Variants in COL8A1 observed in about 807,000 individuals in gnomAD.
COL8A1 encodes the protein collagen type VIII alpha 1 chain, also known as collagen alpha-1(VIII) chain.
Under a neutral mutation model 42.7 loss-of-function variants are expected in COL8A1, and 21 were observed. The ratio of observed to expected loss-of-function variants is 0.49; its 90% confidence interval spans 0.35 to 0.71. COL8A1 has a LOEUF of 0.71. Among genes scored for constraint, COL8A1 ranks in the 30% least tolerant of loss-of-function variants. COL8A1 has a pLI of 0.01. For missense variants in COL8A1, 788 were observed against 962.4 expected (o/e 0.82, Z 2.40); for synonymous variants, 367 against 369.1 (o/e 0.99, Z 0.06).
Position 99,794,438 on chromosome 3 carries a change from AGAAATTGGACAGAAAGGG to A in COL8A1, c.546_563del (p.Gln183_Gly188del). 1 of 1,613,926 alleles carries A rather than the reference AGAAATTGGACAGAAAGGG, an allele frequency of 6.2e-7. No homozygotes were observed. The highest frequency in any genetic ancestry group is 1.3e-5 in the African/African-American group (1 of 74,992). ...CCATGGGCATGCCTGGGGCAAAAGG[AGAAATTGGACAGAAAGGG>A]GAAATTGGGCCTATGGGGATCCCAG... On this transcript the variant is annotated inframe_deletion, in exon 4 of 4. Coordinates refer to ENST00000652472, the MANE Select transcript of COL8A1 (RefSeq NM_020351.4). The surrounding 1 kb of genome is among the most constrained non-coding windows in gnomAD (Gnocchi z 4.3).
chr3:99,786,098 C>T (rs571178577), intron 2 of COL8A1, among the ~76,000 whole-genome samples: 1 of 151,966 alleles, frequency 6.6e-6, no homozygotes, highest in Admixed American at 6.5e-5. Flanking sequence ...CTTTTTTCCC[C>T]ATACGTTGTC....
At chr3:99,690,069 T>C (rs1257936823) in intron 1 of COL8A1, among the ~76,000 whole-genome samples, 4 of 152,184 alleles carry the variant, frequency 2.6e-5, no homozygotes, top group Non-Finnish European at 5.9e-5. Flanking sequence ...CCGATAACTA[T>C]AGACAAAGCA....
At chr3:99,704,908 T>C (rs1939637490) in intron 1 of COL8A1, among the ~76,000 whole-genome samples, 1 of 152,100 alleles carries the variant, frequency 6.6e-6, no homozygotes. Flanking sequence ...ATGGATCCCA[T>C]GAACAGGGTG....
chr3:99,778,521 T>C (rs1294539598), intron 2 of COL8A1, among the ~76,000 whole-genome samples: 2 of 152,144 alleles, frequency 1.3e-5, no homozygotes, highest in Non-Finnish European at 2.9e-5. Context: ...AAGAGAATCT[T>C]ACAAGTATCC....
intron 1 of COL8A1, among the ~76,000 whole-genome samples, chr3:99,664,488 A>T (rs551817448): frequency 6.9e-4 from 105 of 152,224 alleles, no homozygotes; most frequent in Middle Eastern, 6.8e-3. Flanking sequence ...ATAATAAAAA[A>T]AAAATAAAAT....
chr3:99,675,808 T>A (rs1938675520), intron 1 of COL8A1: 1 of 152,452 alleles, frequency 6.6e-6, no homozygotes, highest in Admixed American at 6.6e-5. Context: ...TAAGTAGAAT[T>A]TTGACCCCCT....
At chr3:99,733,416 G>A (rs1307999270) in intron 1 of COL8A1, among the ~76,000 whole-genome samples, 2 of 136,926 alleles carry the variant, frequency 1.5e-5, no homozygotes, top group East Asian at 4.2e-4. Flanking sequence ...TTTTGTTCTT[G>A]CGATAGTTTA....
intron 1 of COL8A1, among the ~76,000 whole-genome samples, chr3:99,743,136 A>T (rs1940940681): frequency 6.6e-6 from 1 of 152,122 alleles, no homozygotes; most frequent in African/African-American, 2.4e-5. Context: ...CATGGAAGCA[A>T]TTACCTTTGT....
chr3:99,663,022 G>A (rs992836613), intron 1 of COL8A1, among the ~76,000 whole-genome samples: 2 of 152,112 alleles, frequency 1.3e-5, no homozygotes, highest in Non-Finnish European at 2.9e-5. Context: ...ACAAATGCAG[G>A]TGTAAAAGGA....
chr3:99,734,413 T>TTAATTAAAAA (rs1940631821), intron 1 of COL8A1, among the ~76,000 whole-genome samples: 1 of 149,310 alleles, frequency 6.7e-6, no homozygotes, highest in South Asian at 2.1e-4. Flanking sequence ...GGGAATCCTT[T>TTAATTAAAAA]CCCCATTGCT....
At chr3:99,726,248 T>C (rs894180683) in intron 1 of COL8A1, among the ~76,000 whole-genome samples, 1 of 152,206 alleles carries the variant, frequency 6.6e-6, no homozygotes, top group African/African-American at 2.4e-5. Context: ...CTGCACCCAC[T>C]TTTTGATGGG....
At chr3:99,709,141 ACTTCTCATC>A (rs1939764264) in intron 1 of COL8A1, among the ~76,000 whole-genome samples, 1 of 151,812 alleles carries the variant, frequency 6.6e-6, no homozygotes, top group Non-Finnish European at 1.5e-5. Flanking sequence ...AAACACAACT[ACTTCTCATC>A]CTTTCGACCT....
At chr3:99,675,602 A>AT (rs966504416) in intron 1 of COL8A1, 1 of 152,450 alleles carries the variant, frequency 6.6e-6, no homozygotes, top group African/African-American at 2.4e-5. Flanking sequence ...GACACCAGGT[A>AT]TTTTTTAGTT....
At chr3:99,778,619 A>T (rs1037223345) in intron 2 of COL8A1, among the ~76,000 whole-genome samples, 7 of 148,406 alleles carry the variant, frequency 4.7e-5, no homozygotes, top group Non-Finnish European at 1.0e-4. Context: ...TTTAAAATAA[A>T]AAAAAAAAGG....
In COL8A1 at chr3:99,654,255, G is replaced by A. The variant is rs146373413; in HGVS notation, c.-129+15591G>A. ...GATGGTGCCCACCCAGATTGAGGGT[G>A]GATCTGCCTTTCCCAGTCCAGTGAC... On this transcript the variant is annotated intron_variant, in intron 1 of 3. Coordinates refer to ENST00000652472, the MANE Select transcript of COL8A1 (RefSeq NM_020351.4). 3.9e-5 allele frequency among the ~76,000 whole-genome samples: 6 copies of A among 152,262 alleles called. No homozygotes were observed. In the East Asian group the frequency reaches 7.7e-4, roughly 20 times the overall value.
chr3:99,671,656 A>G (rs1224903423), intron 1 of COL8A1, among the ~76,000 whole-genome samples: 1 of 151,950 alleles, frequency 6.6e-6, no homozygotes, highest in Non-Finnish European at 1.5e-5. Flanking sequence ...TGACTTTTTT[A>G]TACTCCATGT....
intron 1 of COL8A1, among the ~76,000 whole-genome samples, chr3:99,657,282 T>C (rs1938052469): frequency 6.6e-6 from 1 of 152,236 alleles, no homozygotes; most frequent in South Asian, 2.1e-4. Context: ...AACATAGTCA[T>C]GTGACTCTAG....
At chr3:99,769,476 T>A (rs1447105806) in intron 2 of COL8A1, among the ~76,000 whole-genome samples, 3 of 152,256 alleles carry the variant, frequency 2.0e-5, no homozygotes, top group African/African-American at 7.2e-5. Flanking sequence ...AGGCAGGGAC[T>A]TCAGAGGGCT....
At chr3:99,746,077 G>A (rs1371181794) in intron 2 of COL8A1, among the ~76,000 whole-genome samples, 1 of 152,058 alleles carries the variant, frequency 6.6e-6, no homozygotes, top group East Asian at 1.9e-4. Flanking sequence ...GGACAGGGTG[G>A]ACACCTGAAC....
Sources: gnomAD v4.1 joint callset for allele counts (sites outside exome capture counted in the v4.1 genomes callset) on GRCh38, gnomAD v4.1.1 for gene constraint, Gnocchi (gnomAD v3.1) non-coding constraint, MANE v1.5 for transcripts, NCBI Gene and HGNC (gene_info 2026-07-23, HGNC 2026-07-21) for gene names.